CHD7: variants seen among roughly 807,000 people sequenced by gnomAD.
The protein encoded by CHD7 is chromodomain helicase DNA binding protein 7.
In CHD7, 24 loss-of-function variants were observed where a neutral mutation model predicts 307.3. That is an observed-to-expected ratio of 0.08 (90% CI 0.06 to 0.11). The LOEUF (loss-of-function observed/expected upper bound fraction) is 0.11. Among genes scored for constraint, CHD7 ranks in the 10% least tolerant of loss-of-function variants. The pLI, the probability that CHD7 is intolerant of heterozygous loss-of-function variation, is 1.00. For synonymous variants in CHD7, 1,363 were observed against 1,349.9 expected, an observed-to-expected ratio of 1.01 and a Z score of -0.21; for missense variants, 3,106 against 3,727.1, an observed-to-expected ratio of 0.83 and a Z score of 4.34.
At chr8:60,687,170 C>G (rs1586161622) in intron 1 of CHD7, among the ~76,000 whole-genome samples, 1 of 152,322 alleles carries the variant, frequency 6.6e-6, no homozygotes, top group East Asian at 1.9e-4. Context: ...AACTATTAAA[C>G]ATCTTTAACA....
At chr8:60,730,426 A>G (rs931852532) in intron 1 of CHD7, among the ~76,000 whole-genome samples, 1 of 152,240 alleles carries the variant, frequency 6.6e-6, no homozygotes, top group East Asian at 1.9e-4. Context: ...AGTTTTGATT[A>G]TGGTGGCATT....
chr8:60,741,628 C>T lies in CHD7; in HGVS notation c.196C>T (p.Leu66=). 1 of 1,613,760 alleles carries T rather than the reference C, an allele frequency of 6.2e-7. No individual in the cohort carries two copies. The highest frequency in any genetic ancestry group is 8.5e-7 in the Non-Finnish European group (1 of 1,179,760). Residue 66 remains leucine, a synonymous_variant, in exon 2 of 38, where the codon CTG becomes TTG. Transcript: ENST00000423902. ...TTCAACTAATCAAAATCAAACAAAGCTGACACATTTTGATCACTATAATCA... is the reference window on the plus strand; with the variant it reads ...TTCAACTAATCAAAATCAAACAAAGTTGACACATTTTGATCACTATAATCA... ...HPSTNQNQTK[L]THFDHYNQYE...
intron 3 of CHD7, among the ~76,000 whole-genome samples, chr8:60,789,717 A>C (rs1239899218): frequency 6.6e-6 from 1 of 152,246 alleles, no homozygotes; most frequent in African/African-American, 2.4e-5. Flanking sequence ...AGCTTTGTTT[A>C]GAAAGCCAAC....
At position 60,814,254 on chromosome 8, in the gene CHD7, T is replaced by C. The variant is rs117209190; in HGVS notation, c.2499-2133T>C. On this transcript the variant is annotated intron_variant, in intron 7 of 37. Coordinates refer to ENST00000423902, the MANE Select transcript of CHD7 (RefSeq NM_017780.4). ...ACACTGAAAATTTCATCCCAGTTTA[T>C]AGCAGATAAAGCAGGGCTGGAGCCA... 1.6e-4 allele frequency among the ~76,000 whole-genome samples: 24 copies of C among 152,322 alleles called. No individual in the cohort carries two copies. In the East Asian group the frequency reaches 4.6e-3, roughly 29 times the overall value.
At chr8:60,863,620 A>G (rs1483561662) in intron 37 of CHD7, 2 of 152,188 alleles carry the variant, frequency 1.3e-5, no homozygotes, top group African/African-American at 4.8e-5. Flanking sequence ...TTTCAAAAAT[A>G]CTTTTACATA....
intron 1 of CHD7, among the ~76,000 whole-genome samples, chr8:60,727,212 G>A (rs978017808): frequency 1.3e-5 from 2 of 151,788 alleles, no homozygotes; most frequent in East Asian, 1.9e-4. Flanking sequence ...TTGCAGCCTC[G>A]ACCTCCAAGG....
chr8:60,727,022 GCTTT>G (rs1299704241), intron 1 of CHD7, among the ~76,000 whole-genome samples: 3 of 152,168 alleles, frequency 2.0e-5, no homozygotes, highest in African/African-American at 4.8e-5. Context: ...CTTACATAGT[GCTTT>G]CTAAGTGGCA....
chr8:60,709,425 G>T (rs540188995), intron 1 of CHD7, among the ~76,000 whole-genome samples: 1 of 152,146 alleles, frequency 6.6e-6, no homozygotes, highest in African/African-American at 2.4e-5. Context: ...AGAATAGTAG[G>T]TTTACAGGTT....
At position 60,853,026 on chromosome 8, in the gene CHD7, C is replaced by G; in HGVS notation, c.6301C>G (p.Leu2101Val). Residue 2101 changes from leucine to valine, a missense_variant, in exon 31 of 38, where the codon CTG becomes GTG. Transcript: ENST00000423902. ...WECGRHDRDLLVGAAKHGVSR... is the reference protein window; with the variant it reads ...WECGRHDRDLVVGAAKHGVSR... ...GTGTGGACGGCATGACCGAGACTTG[C>G]TGGTTGGTGCTGCTAAACACGGGGT... 6.2e-7 allele frequency: 1 copy of G among 1,613,976 alleles called. No individual in the cohort carries two copies. The highest frequency in any genetic ancestry group is 8.5e-7 in the Non-Finnish European group (1 of 1,179,886).
chr8:60,813,024 G>A (rs2150732948), intron 7 of CHD7, among the ~76,000 whole-genome samples: 1 of 152,224 alleles, frequency 6.6e-6, no homozygotes, highest in African/African-American at 2.4e-5. Flanking sequence ...ATGATGTTGA[G>A]TTACACAGTG....
intron 4 of CHD7, among the ~76,000 whole-genome samples, chr8:60,799,969 C>T (rs894103984): frequency 6.6e-6 from 1 of 152,046 alleles, no homozygotes; most frequent in Non-Finnish European, 1.5e-5. Flanking sequence ...GCATTATCAC[C>T]TTTTCCTTAA....
At chr8:60,683,523 G>A (rs1336997615) in intron 1 of CHD7, among the ~76,000 whole-genome samples, 1 of 152,226 alleles carries the variant, frequency 6.6e-6, no homozygotes, top group Non-Finnish European at 1.5e-5. Context: ...ACAGGAAGTT[G>A]TAATGATGTT....
chr8:60,748,998 CCTT>C (rs1809483336), intron 2 of CHD7, among the ~76,000 whole-genome samples: 2 of 149,730 alleles, frequency 1.3e-5, no homozygotes, highest in African/African-American at 2.5e-5. Flanking sequence ...AAAAAAATAG[CCTT>C]TCAGGGAAAA....
chr8:60,850,572 C>A lies in CHD7; in HGVS notation c.5484C>A (p.Ala1828=). The A allele has an allele frequency of 6.2e-7, 1 of 1,613,328 alleles. No individual in the cohort carries two copies. Among genetic ancestry groups the A allele is most frequent in the Non-Finnish European group, 8.5e-7 (1 of 1,179,564 alleles). ...LERVGMPDAK[A]IAAEQRGTDM... ...GAGTCGGTATGCCTGATGCCAAGGC[C>A]ATAGCTGCCGAGCAAAGAGGAACAG... Residue 1828 remains alanine (A), a synonymous_variant, in exon 26 of 38, where the codon GCC becomes GCA. Transcript: ENST00000423902.
At chr8:60,804,660 G>C (rs1306758765) in intron 6 of CHD7, among the ~76,000 whole-genome samples, 1 of 152,280 alleles carries the variant, frequency 6.6e-6, no homozygotes, top group South Asian at 2.1e-4. Context: ...ATTCTTTTGT[G>C]TATTATTTGA....
rs182885000 is a variant in CHD7 at position 60,776,301 on chromosome 8, A to G, written c.1666-4699A>G. On this transcript the variant is annotated intron_variant, in intron 2 of 37. Coordinates refer to ENST00000423902, the MANE Select transcript of CHD7 (RefSeq NM_017780.4). ...ATTTTAATCAAGCAGAAAATACTTC[A>G]GTCCTTGATTCTCTTAAGAATATTT... Among the ~76,000 whole-genome samples, 19 of 152,318 alleles carry G rather than the reference A, an allele frequency of 1.2e-4. No homozygotes were observed. The East Asian group carries it at 3.3e-3, about 26-fold the overall frequency.
At chr8:60,752,425 T>C (rs1051647667) in intron 2 of CHD7, among the ~76,000 whole-genome samples, 2 of 152,208 alleles carry the variant, frequency 1.3e-5, no homozygotes, top group African/African-American at 4.8e-5. Flanking sequence ...GGAATTCCAC[T>C]CTCACCCATT....
In CHD7 at chr8:60,741,568, G is replaced by C. The variant is rs758174511; in HGVS notation, c.136G>C (p.Gly46Arg). 1 of 1,613,672 alleles carries C rather than the reference G, an allele frequency of 6.2e-7. No individual in the cohort carries two copies. The highest frequency in any genetic ancestry group is 2.2e-5 in the East Asian group (1 of 44,876). ...GGGTCAGCAAATGCCAATAGACCAAGGCTTTGCCTCTTTACAGCCATCCCT... is the reference window on the plus strand; with the variant it reads ...GGGTCAGCAAATGCCAATAGACCAACGCTTTGCCTCTTTACAGCCATCCCT... The part of the protein sequence containing the change: ...PMGQQMPIDQ[G>R]FASLQPSLHH... The change falls in exon 2 of 38, where the codon GGC becomes CGC. Residue 46 changes from glycine (G) to arginine (R), a missense_variant. Transcript: ENST00000423902.
chr8:60,851,924 C>G (rs1314053728), intron 28 of CHD7, 95 bp from the exon 29 acceptor site: 1 of 795,264 alleles, frequency 1.3e-6, no homozygotes, highest in African/African-American at 1.8e-5. Context: ...CCCACACTGT[C>G]ATTTGAATCT....
Sources: gnomAD v4.1 joint callset for allele counts (sites outside exome capture counted in the v4.1 genomes callset) on GRCh38, gnomAD v4.1.1 for gene constraint, MANE v1.5 for transcripts, NCBI Gene and HGNC (gene_info 2026-07-23, HGNC 2026-07-21) for gene names.